PCCA: variants seen among roughly 807,000 people sequenced by gnomAD.
PCCA encodes propionyl-CoA carboxylase alpha chain, mitochondrial.
In PCCA, 74 loss-of-function variants were observed where a neutral mutation model predicts 101.3. That is an observed-to-expected ratio of 0.73 (90% CI 0.61 to 0.89). The LOEUF (loss-of-function observed/expected upper bound fraction) is 0.89, where lower values mean the gene tolerates loss of function less well. Ranked by LOEUF, PCCA falls within the 40% of genes least tolerant of loss-of-function variation. The pLI, the probability that PCCA is intolerant of heterozygous loss-of-function variation, is 0.00. For synonymous variants in PCCA, 294 were observed against 313.6 expected (o/e 0.94, Z 0.66); for missense variants, 891 against 907.0 (o/e 0.98, Z 0.23).
At chr13:100,145,356 C>T (rs56039128) in intron 4 of PCCA, among the ~76,000 whole-genome samples, 25,357 of 152,150 alleles carry the variant, frequency 0.17, 2,231 homozygotes, top group Middle Eastern at 0.22. Flanking sequence ...AGATACTAGT[C>T]GTGTCCCCTC....
At chr13:100,197,431 C>T (rs2152458085) in intron 6 of PCCA, among the ~76,000 whole-genome samples, 1 of 151,228 alleles carries the variant, frequency 6.6e-6, no homozygotes, top group Non-Finnish European at 1.5e-5. Flanking sequence ...CTGGGCTTTA[C>T]CTTTTATTAT....
At chr13:100,348,728 C>CTTTTTTTCT (rs1267837296) in intron 18 of PCCA, among the ~76,000 whole-genome samples, 19 of 65,232 alleles carry the variant, frequency 2.9e-4, no homozygotes, top group African/African-American at 1.5e-3. Context: ...GTTTTTTTTC[C>CTTTTTTTCT]TTTCTTTCTT....
intron 12 of PCCA, among the ~76,000 whole-genome samples, chr13:100,284,863 C>T (rs1306125794): frequency 6.6e-6 from 1 of 152,190 alleles, no homozygotes; most frequent in African/African-American, 2.4e-5. Context: ...TTTGGTCAGG[C>T]CCTAGCCCAA....
At chr13:100,489,766 C>G (rs1171438643) in intron 21 of PCCA, among the ~76,000 whole-genome samples, 4 of 131,074 alleles carry the variant, frequency 3.1e-5, no homozygotes, top group Non-Finnish European at 6.4e-5. Flanking sequence ...AGAAATGTCT[C>G]AGAGAGAGGA....
intron 9 of PCCA, among the ~76,000 whole-genome samples, chr13:100,259,847 A>G (rs1481375423): frequency 6.6e-6 from 1 of 152,180 alleles, no homozygotes; most frequent in Non-Finnish European, 1.5e-5. Flanking sequence ...TATTCCTAGC[A>G]TCTAAAATAT....
chr13:100,462,531 T>C (rs2152943648), intron 21 of PCCA, among the ~76,000 whole-genome samples: 1 of 152,160 alleles, frequency 6.6e-6, no homozygotes, highest in South Asian at 2.1e-4. Flanking sequence ...GCAGAGCGAA[T>C]TGTAGATCTG....
intron 12 of PCCA, among the ~76,000 whole-genome samples, chr13:100,297,561 A>G (rs2065653664): frequency 6.6e-6 from 1 of 152,208 alleles, no homozygotes; most frequent in Non-Finnish European, 1.5e-5. Context: ...AATAAATTTG[A>G]AGCAACAGAT....
chr13:100,207,722 T>C (rs556451044), intron 6 of PCCA, among the ~76,000 whole-genome samples: 32 of 151,974 alleles, frequency 2.1e-4, no homozygotes, highest in Non-Finnish European at 3.8e-4. Flanking sequence ...TTGATGCCTT[T>C]AAAAATCTGT....
chr13:100,454,730 C>T (rs946310380), intron 21 of PCCA, among the ~76,000 whole-genome samples: 4 of 152,066 alleles, frequency 2.6e-5, no homozygotes, highest in African/African-American at 9.7e-5. Context: ...AAGAGAAGTA[C>T]TTCTGTTGTG....
chr13:100,182,472 G>A (rs2056891625), intron 6 of PCCA, among the ~76,000 whole-genome samples: 1 of 152,154 alleles, frequency 6.6e-6, no homozygotes, highest in South Asian at 2.1e-4. Flanking sequence ...CAGTGTCAGG[G>A]CTGTGAGTTG....
intron 6 of PCCA, among the ~76,000 whole-genome samples, chr13:100,167,898 C>G (rs548183618): frequency 1.6e-3 from 251 of 152,210 alleles, no homozygotes; most frequent in Middle Eastern, 0.01. Context: ...TCCTGAGTAG[C>G]TGGGATTATA....
At chr13:100,454,926 T>C (rs1489229546) in intron 21 of PCCA, among the ~76,000 whole-genome samples, 2 of 152,090 alleles carry the variant, frequency 1.3e-5, no homozygotes, top group Non-Finnish European at 2.9e-5. Context: ...ATATGAAATA[T>C]TATACTTTAC....
chr13:100,459,207 A>G (rs954146978), intron 21 of PCCA, among the ~76,000 whole-genome samples: 1 of 152,184 alleles, frequency 6.6e-6, no homozygotes, highest in Admixed American at 6.5e-5. Context: ...ACCCTAATCC[A>G]GTGAAACCTC....
At chr13:100,253,397 A>T (rs1480962298) in intron 8 of PCCA, among the ~76,000 whole-genome samples, 1 of 152,220 alleles carries the variant, frequency 6.6e-6, no homozygotes, top group African/African-American at 2.4e-5. Context: ...GATAAGGCTT[A>T]TAGTGTATAT....
At chr13:100,152,487 C>T (rs943152762) in intron 4 of PCCA, among the ~76,000 whole-genome samples, 1 of 151,932 alleles carries the variant, frequency 6.6e-6, no homozygotes, top group African/African-American at 2.4e-5. Flanking sequence ...CACTCTGTTG[C>T]CCAGGCTGGA....
At chr13:100,203,624 C>T (rs568402937) in intron 6 of PCCA, among the ~76,000 whole-genome samples, 1 of 152,126 alleles carries the variant, frequency 6.6e-6, no homozygotes, top group African/African-American at 2.4e-5. Context: ...ACCCAAGAGG[C>T]GGAGATTGCA....
intron 6 of PCCA, among the ~76,000 whole-genome samples, chr13:100,188,223 G>A (rs1015787690): frequency 1.3e-5 from 2 of 152,140 alleles, no homozygotes; most frequent in African/African-American, 2.4e-5. Flanking sequence ...AAGCCGGGAG[G>A]TGGAGGTTGC....
At chr13:100,373,792 A>T (rs2075727396) in intron 19 of PCCA, among the ~76,000 whole-genome samples, 1 of 152,124 alleles carries the variant, frequency 6.6e-6, no homozygotes, top group Non-Finnish European at 1.5e-5. Flanking sequence ...CACAAAACAA[A>T]TCAGTATTTA....
chr13:100,091,469 TTGGGG>T lies in PCCA; in HGVS notation c.105+2249_105+2253del, dbSNP rs1021361279. Among the ~76,000 whole-genome samples, 7 of 152,342 alleles carry T rather than the reference TTGGGG, an allele frequency of 4.6e-5. 1 individual carries two copies. In the South Asian group the frequency reaches 8.3e-4, roughly 18 times the overall value. On this transcript the variant is annotated intron_variant, in intron 1 of 23. Coordinates refer to ENST00000376285, the MANE Select transcript of PCCA (RefSeq NM_000282.4). ...GTTTGTGCCGGTAAAGAATTCCTCCTTGGGGTGGGAAGCATCTCTGAAGTTCACTA... is the reference window on the plus strand; with the variant it reads ...GTTTGTGCCGGTAAAGAATTCCTCCTTGGGAAGCATCTCTGAAGTTCACTA...
Sources: gnomAD v4.1 joint callset for allele counts (sites outside exome capture counted in the v4.1 genomes callset) on GRCh38, gnomAD v4.1.1 for gene constraint, MANE v1.5 for transcripts, NCBI Gene and HGNC (gene_info 2026-07-23, HGNC 2026-07-21) for gene names.